Variants in CPNE4 observed in about 807,000 individuals in gnomAD.
CPNE4 encodes copine-4.
Under a neutral mutation model 67.9 loss-of-function variants are expected in CPNE4, and 25 were observed. The ratio of observed to expected loss-of-function variants is 0.37; its 90% confidence interval spans 0.27 to 0.51. CPNE4 has a LOEUF of 0.51. Ranked by LOEUF, CPNE4 falls within the 20% of genes least tolerant of loss-of-function variation. The probability of loss-of-function intolerance (pLI) is 0.93; values close to 1 mark genes in which losing one functional copy is unlikely to be tolerated. For missense variants in CPNE4, 464 were observed against 690.8 expected (o/e 0.67, Z 3.68); for synonymous variants, 242 against 244.9 (o/e 0.99, Z 0.11).
At chr3:131,963,270 C>G (rs983834837) in intron 1 of CPNE4, among the ~76,000 whole-genome samples, 1 of 152,118 alleles carries the variant, frequency 6.6e-6, no homozygotes, top group African/African-American at 2.4e-5. Context: ...CCTCACTTGC[C>G]TACACCACCA....
chr3:131,624,260 G>C (rs936122560), intron 7 of CPNE4, among the ~76,000 whole-genome samples: 4 of 152,142 alleles, frequency 2.6e-5, no homozygotes, highest in African/African-American at 9.7e-5. Context: ...CCTTGTGACT[G>C]TGTCCCATTG....
At chr3:131,547,496 A>AAAAAAAAAAAAAC (rs1935934737) in intron 14 of CPNE4, among the ~76,000 whole-genome samples, 3 of 108,548 alleles carry the variant, frequency 2.8e-5, no homozygotes, top group Non-Finnish European at 5.6e-5. Context: ...AAAAAAAAAA[A>AAAAAAAAAAAAAC]AAAAACCTAA....
At chr3:131,962,684 T>C (rs573942928) in intron 1 of CPNE4, among the ~76,000 whole-genome samples, 1 of 151,790 alleles carries the variant, frequency 6.6e-6, no homozygotes, top group South Asian at 2.1e-4. Context: ...CCTAAACAAA[T>C]AGATGGACTT....
intron 2 of CPNE4, among the ~76,000 whole-genome samples, chr3:131,862,717 T>TA (rs2086740961): frequency 5.9e-5 from 8 of 134,866 alleles, no homozygotes; most frequent in South Asian, 2.4e-4. Flanking sequence ...ATATATATAT[T>TA]TTTATTATAC....
At chr3:131,882,698 A>G (rs2087724732) in intron 2 of CPNE4, among the ~76,000 whole-genome samples, 1 of 151,830 alleles carries the variant, frequency 6.6e-6, no homozygotes, top group African/African-American at 2.4e-5. Flanking sequence ...TTAGCTTGGT[A>G]CAAAAGTAAT....
At chr3:131,769,960 GCCCC>G (rs2083123049) in intron 2 of CPNE4, among the ~76,000 whole-genome samples, 3 of 151,984 alleles carry the variant, frequency 2.0e-5, no homozygotes, top group Admixed American at 1.3e-4. Flanking sequence ...CTTGTTCTGG[GCCCC>G]AAAACACTCA....
intron 1 of CPNE4, among the ~76,000 whole-genome samples, chr3:131,920,708 G>A (rs940628745): frequency 6.6e-6 from 1 of 151,954 alleles, no homozygotes; most frequent in Non-Finnish European, 1.5e-5. Flanking sequence ...TAAAATGTCA[G>A]TTGACCTAGA....
At chr3:131,700,054 C>CTTTTTTTTTT (rs3035263) in intron 3 of CPNE4, 74 bp from the exon 4 acceptor site, 224 of 254,698 alleles carry the variant, frequency 8.8e-4, no homozygotes, top group African/African-American at 2.0e-3. Context: ...TTTTTTAAAC[C>CTTTTTTTTTT]TTTTTTTTTT....
At chr3:131,945,069 G>A (rs2071510062) in intron 1 of CPNE4, among the ~76,000 whole-genome samples, 1 of 152,060 alleles carries the variant, frequency 6.6e-6, no homozygotes, top group South Asian at 2.1e-4. Flanking sequence ...CTTGTACCTG[G>A]CACTTACTAG....
At chr3:131,617,582 A>G (rs1182099673) in intron 7 of CPNE4, among the ~76,000 whole-genome samples, 1 of 152,222 alleles carries the variant, frequency 6.6e-6, no homozygotes, top group East Asian at 1.9e-4. Flanking sequence ...TTCAATAGAA[A>G]TGCTGATCTT....
At chr3:131,564,006 T>C (rs1409821337) in intron 11 of CPNE4, among the ~76,000 whole-genome samples, 1 of 152,032 alleles carries the variant, frequency 6.6e-6, no homozygotes, top group Non-Finnish European at 1.5e-5. Context: ...GCAAGTCAAT[T>C]GAGAGAAGAA....
upstream of CPNE4, chr3:132,037,613 C>T: frequency 6.5e-7 from 1 of 1,535,930 alleles, no homozygotes; most frequent in Non-Finnish European, 8.7e-7. Flanking sequence ...CAGCCATGGT[C>T]AAATTTATCT....
intron 7 of CPNE4, among the ~76,000 whole-genome samples, chr3:131,645,805 A>G (rs966863764): frequency 6.6e-6 from 1 of 152,172 alleles, no homozygotes; most frequent in African/African-American, 2.4e-5. Context: ...GGTAACTGAG[A>G]AGTGGCTAGG....
intron 2 of CPNE4, among the ~76,000 whole-genome samples, chr3:131,875,720 T>C (rs1001408628): frequency 6.6e-6 from 1 of 151,190 alleles, no homozygotes; most frequent in African/African-American, 2.4e-5. Context: ...TTAGGAGATA[T>C]ACCTAATGTT....
chr3:131,657,704 T>TTGTGTGTGTGTG (rs56890555), intron 7 of CPNE4, among the ~76,000 whole-genome samples: 125 of 140,932 alleles, frequency 8.9e-4, no homozygotes, highest in East Asian at 4.4e-3. Flanking sequence ...CCAGCTAATT[T>TTGTGTGTGTGTG]TGTGTGTGTG....
intron 2 of CPNE4, among the ~76,000 whole-genome samples, chr3:131,788,436 T>C (rs1210769952): frequency 1.3e-5 from 2 of 151,584 alleles, no homozygotes; most frequent in Non-Finnish European, 2.9e-5. Context: ...AATCAATGAG[T>C]TACAATTTTA....
intron 1 of CPNE4, among the ~76,000 whole-genome samples, chr3:132,011,769 G>A (rs762399213): frequency 8.5e-5 from 13 of 152,194 alleles, no homozygotes; most frequent in Non-Finnish European, 1.5e-4. Flanking sequence ...ATTGGGATTA[G>A]AAGAAACATA....
chr3:131,799,175 C>T (rs1008511862), intron 2 of CPNE4, among the ~76,000 whole-genome samples: 1 of 152,044 alleles, frequency 6.6e-6, no homozygotes, highest in Admixed American at 6.6e-5. Context: ...CATGAGAGAC[C>T]AGATATAATC....
At chr3:131,678,937 C>A (rs928080914) in intron 6 of CPNE4, among the ~76,000 whole-genome samples, 1 of 152,172 alleles carries the variant, frequency 6.6e-6, no homozygotes. Flanking sequence ...CAGGATGATG[C>A]TGGCCCCATA....
Sources: allele counts gnomAD v4.1 joint callset (sites outside exome capture counted in the v4.1 genomes callset), GRCh38; gene constraint gnomAD v4.1.1; transcripts MANE v1.5; gene names NCBI Gene and HGNC (gene_info 2026-07-23, HGNC 2026-07-21).